Variants in PXDN observed in about 807,000 individuals in gnomAD.
The protein encoded by PXDN is peroxidasin, also known as peroxidasin homolog.
Under a neutral mutation model 140.3 loss-of-function variants are expected in PXDN, and 77 were observed. The ratio of observed to expected loss-of-function variants is 0.55; its 90% confidence interval spans 0.46 to 0.66. PXDN has a LOEUF of 0.66. Ranked by LOEUF, PXDN falls within the 30% of genes least tolerant of loss-of-function variation. The pLI, the probability that PXDN is intolerant of heterozygous loss-of-function variation, is 0.00. For missense variants in PXDN, 1,838 were observed against 2,039.5 expected (o/e 0.90, Z 1.90); for synonymous variants, 911 against 857.4 (o/e 1.06, Z -1.09).
At chr2:1,652,973 A>C in intron 16 of PXDN, 1 of 166,308 alleles carries the variant, frequency 6.0e-6, no homozygotes, top group South Asian at 1.5e-4. Flanking sequence ...TGTGTACAGA[A>C]CCATGAGTAA....
rs139248985 is a variant in PXDN at position 1,632,785 on chromosome 2, G to A, written c.*1419C>T. On this transcript the variant is annotated 3_prime_UTR_variant, in exon 23 of 23. Transcript: ENST00000252804. This position sits in a 1 kb window ranked among gnomAD's most constrained non-coding sequence, Gnocchi z 4.3. ...CCCAGTGCTGGACACCTGCCACCCTGAACCGAAACGGCCCCTGACCTCAGG... is the reference window on the plus strand; with the variant it reads ...CCCAGTGCTGGACACCTGCCACCCTAAACCGAAACGGCCCCTGACCTCAGG... 1.0e-2 allele frequency: 1,517 copies of A among 152,338 alleles called. 23 individuals carry two copies. The highest frequency in any genetic ancestry group is 0.035 in the African/African-American group (1,437 of 41,544). The allele number at this position is 152,338 out of a possible 1,614,324, so 9.4% of individuals were successfully genotyped here.
intron 5 of PXDN, 39 bp downstream of exon 5, chr2:1,684,041 C>G: frequency 7.2e-6 from 11 of 1,529,322 alleles, no homozygotes; most frequent in East Asian, 2.4e-5. Flanking sequence ...GAGGCTTGGG[C>G]TCTGTGAATG....
intron 6 of PXDN, among the ~76,000 whole-genome samples, chr2:1,681,080 G>A (rs1383764520): frequency 1.3e-5 from 2 of 152,136 alleles, no homozygotes; most frequent in Non-Finnish European, 1.5e-5. Flanking sequence ...AGGGTTGGAA[G>A]AGGCTGGCAG....
rs1231085722 is a variant in PXDN, at chr2:1,639,725, C to G, written c.3953-303G>C. Among the ~76,000 whole-genome samples, 2 of 152,186 alleles carry G rather than the reference C, an allele frequency of 1.3e-5. No homozygotes were observed. The highest frequency in any genetic ancestry group is 2.4e-5 in the African/African-American group (1 of 41,448). On this transcript the variant is annotated intron_variant, in intron 19 of 22. Coordinates refer to ENST00000252804, the MANE Select transcript of PXDN (RefSeq NM_012293.3). This position sits in a 1 kb window ranked among gnomAD's most constrained non-coding sequence, Gnocchi z 5.0. ...CCACACCCTCGCGGAGTTCCCTCCA[C>G]CCACAGATGGAGGCTCAGGCACTCT... is the stretch of plus-strand genomic sequence containing the variant.
chr2:1,744,519 C>G (rs1211434508), upstream of PXDN: 1 of 1,285,176 alleles, frequency 7.8e-7, no homozygotes, highest in African/African-American at 1.6e-5. Context: ...CGACTGCGCC[C>G]GCCCGGCCGC....
intron 1 of PXDN, among the ~76,000 whole-genome samples, chr2:1,725,123 T>C (rs1685146458): frequency 1.3e-5 from 2 of 152,236 alleles, no homozygotes; most frequent in Non-Finnish European, 2.9e-5. Context: ...TTTGATGCTA[T>C]CATAACAGAT....
In PXDN at chr2:1,692,017, T is replaced by C. The variant is rs1050392989; in HGVS notation, c.273-18A>G. On this transcript the variant is annotated intron_variant, in intron 2 of 22. Transcript: ENST00000252804. ...TGAGAAGCCTATGAAAGAGAGTCGA[T>C]AAGAATTTTAAAAAACAACAGAAAA... 3 of 1,474,722 alleles carry C rather than the reference T, an allele frequency of 2.0e-6. No homozygotes were observed. Among genetic ancestry groups the C allele is most frequent in the South Asian group, 1.3e-5 (1 of 76,654 alleles). The allele number at this position is 1,474,722 out of a possible 1,614,324, so 91.4% of individuals were successfully genotyped here. A position where few individuals can be genotyped will look rare whatever the true frequency, so the allele number is the denominator to read the frequency against.
In PXDN at chr2:1,648,525, G is replaced by C. The variant is rs746516660; in HGVS notation, c.3255C>G (p.Asp1085Glu). 6.2e-6 allele frequency: 10 copies of C among 1,613,108 alleles called. No homozygotes were observed. The highest frequency in any genetic ancestry group is 1.7e-5 in the Admixed American group (1 of 59,998). ...CTTGTGCAATGGGCTGGAAGTTCTC[G>C]TCCAGCCGGTAAAGCAGTGGGTTGA... ...TLVNPLLYRL[D>E]ENFQPIAQDH... Residue 1085 changes from aspartate to glutamate, a missense_variant, in exon 17 of 23, where the codon GAC (aspartate) becomes GAG (glutamate). By Grantham distance (45) the Asp-to-Glu change is conservative (BLOSUM62 2). This residue lies in a region of PXDN where 850 missense variants were observed against 894.1 expected (regional missense o/e 0.95). Coordinates refer to ENST00000252804, the MANE Select transcript of PXDN (RefSeq NM_012293.3). The surrounding 1 kb of genome is among the most constrained non-coding windows in gnomAD (Gnocchi z 8.9).
intron 1 of PXDN, among the ~76,000 whole-genome samples, chr2:1,710,778 T>G (rs1462500794): frequency 3.4e-5 from 1 of 29,264 alleles, no homozygotes. Flanking sequence ...CAGCACCCAC[T>G]CTCCACCAGC....
intron 9 of PXDN, chr2:1,672,289 C>T (rs1683596362): frequency 6.6e-6 from 1 of 152,248 alleles, no homozygotes; most frequent in South Asian, 2.1e-4. Flanking sequence ...ACTCTCAAGC[C>T]ATAAAGAGCT....
At chr2:1,644,972 C>T (rs549483686) in intron 17 of PXDN, among the ~76,000 whole-genome samples, 2 of 152,226 alleles carry the variant, frequency 1.3e-5, no homozygotes, top group South Asian at 4.2e-4. Flanking sequence ...CACACACAAA[C>T]GCATTTATTA....
intron 1 of PXDN, 106 bp from the exon 2 acceptor site, chr2:1,693,240 T>A: frequency 1.1e-6 from 1 of 871,224 alleles, no homozygotes; most frequent in Non-Finnish European, 1.8e-6. Context: ...TTTAAAATAT[T>A]AAACCACCCA....
chr2:1,695,044 C>A (rs1317179608), intron 1 of PXDN, among the ~76,000 whole-genome samples: 1 of 152,214 alleles, frequency 6.6e-6, no homozygotes, highest in African/African-American at 2.4e-5. Flanking sequence ...GCTGCTCCTC[C>A]AGAGCAGAGG....
chr2:1,674,582 C>G (rs1270827637), intron 8 of PXDN, among the ~76,000 whole-genome samples: 1 of 152,178 alleles, frequency 6.6e-6, no homozygotes, highest in Non-Finnish European at 1.5e-5. Context: ...GCAACCTTTA[C>G]CCCAACGCTC....
intron 22 of PXDN, 137 bp from the exon 23 acceptor site, chr2:1,634,460 A>C: frequency 8.6e-7 from 1 of 1,163,232 alleles, no homozygotes; most frequent in East Asian, 2.6e-5. Flanking sequence ...TGCCCGCTGT[A>C]CTTGCCCTGT....
intron 1 of PXDN, among the ~76,000 whole-genome samples, chr2:1,708,867 C>G (rs1435549944): frequency 6.6e-6 from 1 of 152,186 alleles, no homozygotes; most frequent in East Asian, 1.9e-4. Context: ...AAGAACCTCT[C>G]TACGTGTACA....
chr2:1,638,172 G>A (rs906387170), intron 21 of PXDN, among the ~76,000 whole-genome samples: 4 of 152,144 alleles, frequency 2.6e-5, no homozygotes, highest in Non-Finnish European at 5.9e-5. Context: ...CAGGACCTGC[G>A]CACCTTGGGA....
In PXDN at chr2:1,744,352, C is replaced by A; in HGVS notation, c.104G>T (p.Gly35Val). Residue 35 changes from glycine to valine, a missense_variant, in exon 1 of 23, where the codon GGG (glycine) becomes GTG (valine). By Grantham distance (109) the Gly-to-Val change is moderately radical (BLOSUM62 -3). Transcript: ENST00000252804. Reference sequence around the variant, plus strand: ...GAAGCACAGGCAGCGGCTCGGACACCCTGCGCCCGGCTTCTGGGCCACCAC... The same window carrying A: ...GAAGCACAGGCAGCGGCTCGGACACACTGCGCCCGGCTTCTGGGCCACCAC... The part of the protein sequence containing the change: ...LAVVAQKPGA[G>V]CPSRCLCFRT... 1 of 1,527,546 alleles carries A rather than the reference C, an allele frequency of 6.5e-7. No homozygotes were observed. Among genetic ancestry groups the A allele is most frequent in the East Asian group, 2.5e-5 (1 of 40,028 alleles). The allele number at this position is 1,527,546 out of a possible 1,614,324, so 94.6% of individuals were successfully genotyped here.
At chr2:1,686,209 C>T (rs1684052876) in intron 4 of PXDN, among the ~76,000 whole-genome samples, 1 of 152,322 alleles carries the variant, frequency 6.6e-6, no homozygotes, top group African/African-American at 2.4e-5. Context: ...CCCAACAGCT[C>T]CCTGCCCGAG....
Sources: gnomAD v4.1 joint callset for allele counts (sites outside exome capture counted in the v4.1 genomes callset) on GRCh38, gnomAD v4.1.1 for gene constraint, gnomAD v4.1.1 regional missense constraint, Gnocchi (gnomAD v3.1) non-coding constraint, MANE v1.5 for transcripts, NCBI Gene and HGNC (gene_info 2026-07-23, HGNC 2026-07-21) for gene names.